P4HA3: variants seen among roughly 807,000 people sequenced by gnomAD.
P4HA3 encodes prolyl 4-hydroxylase subunit alpha 3.
Under a neutral mutation model 66.7 loss-of-function variants are expected in P4HA3, and 60 were observed. The observed-to-expected ratio is 0.90, with a 90% CI of 0.73 to 1.12. The LOEUF (loss-of-function observed/expected upper bound fraction) is 1.12. P4HA3 is among the 50% of genes most tolerant of loss of function. The pLI is 0.00. For missense variants in P4HA3, 683 were observed against 685.8 expected (o/e 1.00, Z 0.05); for synonymous variants, 263 against 274.6 (o/e 0.96, Z 0.42).
At chr11:74,296,692 G>C (rs1248252573) in intron 4 of P4HA3, among the ~76,000 whole-genome samples, 1 of 152,022 alleles carries the variant, frequency 6.6e-6, no homozygotes, top group African/African-American at 2.4e-5. Context: ...AGAGTTAGAG[G>C]GAAACAAAAC....
intron 4 of P4HA3, among the ~76,000 whole-genome samples, chr11:74,291,938 A>G (rs1033598323): frequency 9.9e-5 from 15 of 152,270 alleles, no homozygotes; most frequent in Admixed American, 8.5e-4. Context: ...GGGCTTTGGT[A>G]TCAGGATGAT....
chr11:74,306,034 T>G (rs1341304049), intron 1 of P4HA3, among the ~76,000 whole-genome samples: 1 of 152,020 alleles, frequency 6.6e-6, no homozygotes, highest in East Asian at 1.9e-4. Context: ...AACTATGACT[T>G]GTTCACATAT....
intron 4 of P4HA3, among the ~76,000 whole-genome samples, chr11:74,293,763 T>C (rs1861117830): frequency 6.6e-6 from 1 of 152,208 alleles, no homozygotes; most frequent in Admixed American, 6.5e-5. Flanking sequence ...TTAAGAATGT[T>C]GAATATTGGT....
chr11:74,310,543 G>C (rs959688797), intron 1 of P4HA3, among the ~76,000 whole-genome samples: 2 of 152,188 alleles, frequency 1.3e-5, no homozygotes, highest in African/African-American at 4.8e-5. Context: ...AACTGAAGAC[G>C]TAGACGGCAG....
chr11:74,262,552 T>C (rs116289813), downstream of P4HA3, among the ~76,000 whole-genome samples: 611 of 152,332 alleles, frequency 4.0e-3, 3 homozygotes, highest in African/African-American at 0.014. Flanking sequence ...TGCCCCTGGC[T>C]GTGTGAACTC....
chr11:74,279,273 G>T, intron 8 of P4HA3, 115 bp downstream of exon 8: 2 of 941,740 alleles, frequency 2.1e-6, no homozygotes, highest in South Asian at 2.7e-5. Flanking sequence ...CTATAAACGT[G>T]AACTAGGGAT....
chr11:74,295,740 G>A (rs1861191396), intron 4 of P4HA3, among the ~76,000 whole-genome samples: 1 of 151,998 alleles, frequency 6.6e-6, no homozygotes, highest in South Asian at 2.1e-4. Flanking sequence ...CCAGAAGATA[G>A]GCCACAGAGA....
At chr11:74,281,834 C>T (rs1860610061) in intron 7 of P4HA3, among the ~76,000 whole-genome samples, 1 of 150,356 alleles carries the variant, frequency 6.7e-6, no homozygotes, top group Non-Finnish European at 1.5e-5. Context: ...TGTAACTAAC[C>T]TGCACAATGT....
At chr11:74,293,941 C>T (rs1420072431) in intron 4 of P4HA3, among the ~76,000 whole-genome samples, 7 of 150,670 alleles carry the variant, frequency 4.6e-5, no homozygotes, top group African/African-American at 1.7e-4. Flanking sequence ...TTGCTCTTCT[C>T]GAGGAGTATC....
intron 7 of P4HA3, chr11:74,285,517 T>G: frequency 3.6e-6 from 1 of 279,944 alleles, no homozygotes. Context: ...ATTTGGTGAG[T>G]TTTGACAAAT....
At chr11:74,281,434 T>C (rs1246407997) in intron 7 of P4HA3, among the ~76,000 whole-genome samples, 1 of 152,212 alleles carries the variant, frequency 6.6e-6, no homozygotes, top group African/African-American at 2.4e-5. Flanking sequence ...CGTATGTTTA[T>C]TGCGGCATTA....
chr11:74,258,890 A>G (rs1305225211), intron 15 of P4HA3, among the ~76,000 whole-genome samples: 1 of 124,090 alleles, frequency 8.1e-6, no homozygotes, highest in Non-Finnish European at 1.5e-5. Context: ...GCCTGCAGTA[A>G]TAAGGTGAAA....
chr11:74,276,868 C>T, intron 9 of P4HA3, 117 bp downstream of exon 9: 3 of 1,153,276 alleles, frequency 2.6e-6, no homozygotes, highest in Non-Finnish European at 3.5e-6. Flanking sequence ...GAAAAAGAAC[C>T]TTTGTTCTAA....
Position 74,267,057 on chromosome 11 carries a change from C to T in P4HA3, c.*191G>A. On this transcript the variant is annotated 3_prime_UTR_variant, in exon 13 of 13. Coordinates refer to ENST00000331597, the MANE Select transcript of P4HA3 (RefSeq NM_182904.5). Reference sequence around the variant, plus strand: ...CCTACTCTGACTTCCGTGGCTGGGGCAGATCAAATGTACATTCTCAGTGTC... The same window carrying T: ...CCTACTCTGACTTCCGTGGCTGGGGTAGATCAAATGTACATTCTCAGTGTC... 6.5e-7 allele frequency: 1 copy of T among 1,536,512 alleles called. No individual in the cohort carries two copies. Among genetic ancestry groups the T allele is most frequent in the African/African-American group, 1.4e-5 (1 of 73,172 alleles).
downstream of P4HA3, among the ~76,000 whole-genome samples, chr11:74,264,172 G>C (rs1414207350): frequency 1.3e-5 from 2 of 152,086 alleles, no homozygotes; most frequent in African/African-American, 4.8e-5. Context: ...CTGGTGGAAA[G>C]AAGACTGGTA....
intron 3 of P4HA3, 22 bp from the exon 4 acceptor site, chr11:74,298,383 T>C: frequency 6.2e-7 from 1 of 1,608,364 alleles, no homozygotes; most frequent in Non-Finnish European, 8.5e-7. Flanking sequence ...ACAAGTACCA[T>C]CGCCAAAGCC....
In P4HA3 at chr11:74,286,239, G is replaced by A. The variant is rs1261415024; in HGVS notation, c.922C>T (p.Leu308=). Residue 308 remains leucine, a synonymous_variant, in exon 6 of 13, where the codon CTG becomes TTG. Coordinates refer to ENST00000331597, the MANE Select transcript of P4HA3 (RefSeq NM_182904.5). ...CTGAGGAATCCTACCTGGGAACCCA[G>A]GGTCTGACATAGCCCCTCGTAGGTG... The part of the protein sequence containing the change: ...RDTYEGLCQT[L]GSQPTLYQIP... 6.2e-7 allele frequency: 1 copy of A among 1,612,138 alleles called. No individual in the cohort carries two copies. The highest frequency in any genetic ancestry group is 1.7e-5 in the Admixed American group (1 of 59,816).
chr11:74,292,974 C>G (rs900868940), intron 4 of P4HA3, among the ~76,000 whole-genome samples: 2 of 152,092 alleles, frequency 1.3e-5, no homozygotes, highest in African/African-American at 2.4e-5. Flanking sequence ...ACTTGGTGCA[C>G]AGCTGAGTTC....
At chr11:74,253,560 C>T (rs776799516) in intron 15 of P4HA3, 99 of 1,561,602 alleles carry the variant, frequency 6.3e-5, no homozygotes, top group Non-Finnish European at 7.9e-5. Context: ...GTAAATACGT[C>T]GCACCAGAGG....
Sources: gnomAD v4.1 joint callset for allele counts (sites outside exome capture counted in the v4.1 genomes callset) on GRCh38, gnomAD v4.1.1 for gene constraint, MANE v1.5 for transcripts, NCBI Gene and HGNC (gene_info 2026-07-23, HGNC 2026-07-21) for gene names.